The following SYT1 variants were observed in gnomAD, a reference collection of about 807,000 sequenced individuals.
The protein encoded by SYT1 is synaptotagmin 1, also known as synaptotagmin-1.
SYT1 carries 8 observed loss-of-function variants against 44.8 expected under a neutral mutation model. That is an observed-to-expected ratio of 0.18 (90% CI 0.10 to 0.32). The LOEUF is 0.32. Among genes scored for constraint, SYT1 ranks in the 10% least tolerant of loss-of-function variants. The pLI is 1.00. For synonymous variants in SYT1, 154 were observed against 188.8 expected (o/e 0.82, Z 1.51); for missense variants, 286 against 509.3 (o/e 0.56, Z 4.22).
intron 4 of SYT1, among the ~76,000 whole-genome samples, chr12:79,252,645 A>G (rs777943583): frequency 8.5e-5 from 13 of 152,114 alleles, no homozygotes; most frequent in Non-Finnish European, 1.6e-4. Context: ...TGCTCCATCA[A>G]CCCAGGTCTC....
At chr12:79,314,654 G>C (rs1032025349) in intron 8 of SYT1, among the ~76,000 whole-genome samples, 12 of 152,182 alleles carry the variant, frequency 7.9e-5, no homozygotes, top group African/African-American at 2.9e-4. Flanking sequence ...TTTGAAACCA[G>C]TTTGACAGTT....
chr12:79,245,490 G>GAA (rs796294079), intron 4 of SYT1, among the ~76,000 whole-genome samples: 65 of 133,726 alleles, frequency 4.9e-4, no homozygotes, highest in African/African-American at 8.4e-4. Context: ...AAAAAAAAAA[G>GAA]AAAAGAAAAA....
At chr12:79,084,410 A>T (rs1877242449) in intron 3 of SYT1, among the ~76,000 whole-genome samples, 1 of 152,112 alleles carries the variant, frequency 6.6e-6, no homozygotes, top group African/African-American at 2.4e-5. Context: ...TACATAATTA[A>T]CCTGATACCC....
chr12:79,420,672 T>C (rs1869053346), intron 9 of SYT1, among the ~76,000 whole-genome samples: 1 of 152,024 alleles, frequency 6.6e-6, no homozygotes, highest in Non-Finnish European at 1.5e-5. Flanking sequence ...AGATATGATG[T>C]GAGTAGAGAG....
At chr12:79,428,830 G>A (rs959013905) in intron 9 of SYT1, among the ~76,000 whole-genome samples, 8 of 152,120 alleles carry the variant, frequency 5.3e-5, no homozygotes, top group African/African-American at 1.9e-4. Flanking sequence ...AAGAAAAGTG[G>A]TTTATTTGGC....
At chr12:79,399,553 A>G (rs1182118691) in intron 9 of SYT1, among the ~76,000 whole-genome samples, 1 of 152,176 alleles carries the variant, frequency 6.6e-6, no homozygotes, top group Non-Finnish European at 1.5e-5. Flanking sequence ...CTTCCATAAC[A>G]TATTAGGGGA....
intron 3 of SYT1, among the ~76,000 whole-genome samples, chr12:79,051,243 G>C (rs1874461692): frequency 6.6e-6 from 1 of 151,048 alleles, no homozygotes; most frequent in Admixed American, 6.6e-5. Context: ...GTTTAAAATT[G>C]TATTTTGATA....
chr12:79,287,870 A>G (rs1879389334), intron 5 of SYT1, among the ~76,000 whole-genome samples: 1 of 152,144 alleles, frequency 6.6e-6, no homozygotes, highest in African/African-American at 2.4e-5. Flanking sequence ...AAAATGATTC[A>G]AACAAAGAAA....
At chr12:79,152,765 A>G in intron 3 of SYT1, among the ~76,000 whole-genome samples, 1 of 151,902 alleles carries the variant, frequency 6.6e-6, no homozygotes, top group East Asian at 1.9e-4. Flanking sequence ...TTGACTAGGG[A>G]CAGGTGAAAG....
At position 78,931,853 on chromosome 12, in the gene SYT1, A is replaced by G. The variant is rs1163353225; in HGVS notation, c.-216-45946A>G. Reference sequence around the variant, plus strand: ...AATCTAATGAGGTAGAGAGCTGAGCAGTCAGGAGAGGAAGGAGTGTTGGTA... The same window carrying G: ...AATCTAATGAGGTAGAGAGCTGAGCGGTCAGGAGAGGAAGGAGTGTTGGTA... On this transcript the variant is annotated intron_variant, in intron 1 of 10. Transcript: ENST00000261205. 7.9e-5 allele frequency among the ~76,000 whole-genome samples: 12 copies of G among 152,346 alleles called. No individual in the cohort carries two copies. In the East Asian group the frequency reaches 1.3e-3, roughly 17 times the overall value.
intron 3 of SYT1, among the ~76,000 whole-genome samples, chr12:79,062,330 A>T (rs926809355): frequency 6.6e-6 from 1 of 152,208 alleles, no homozygotes. Flanking sequence ...GTAGCTGCCT[A>T]CCAGGTTTGC....
intron 3 of SYT1, among the ~76,000 whole-genome samples, chr12:79,173,926 T>C (rs533592792): frequency 3.3e-5 from 5 of 152,192 alleles, no homozygotes; most frequent in Admixed American, 6.5e-5. Context: ...ATGAAAGTAG[T>C]GTATCATTAC....
At chr12:79,039,101 T>C (rs1008251445) in intron 2 of SYT1, among the ~76,000 whole-genome samples, 6 of 152,002 alleles carry the variant, frequency 3.9e-5, no homozygotes, top group East Asian at 1.9e-4. Flanking sequence ...ATTCTGTAAA[T>C]AGACTATGGT....
intron 2 of SYT1, among the ~76,000 whole-genome samples, chr12:79,029,623 G>A (rs1872722301): frequency 6.6e-6 from 1 of 151,070 alleles, no homozygotes. Flanking sequence ...CTCTAGCTAA[G>A]GAATCCTGAA....
intron 4 of SYT1, among the ~76,000 whole-genome samples, chr12:79,245,035 T>G (rs1468480681): frequency 6.6e-6 from 1 of 152,106 alleles, no homozygotes; most frequent in African/African-American, 2.4e-5. Context: ...GCAATGAGTT[T>G]TCTGGCCGAA....
At chr12:79,135,427 G>T (rs1012285175) in intron 3 of SYT1, among the ~76,000 whole-genome samples, 1 of 152,084 alleles carries the variant, frequency 6.6e-6, no homozygotes, top group Non-Finnish European at 1.5e-5. Flanking sequence ...TATCCTGCTA[G>T]TCAATGCATT....
chr12:79,254,368 A>G (rs1207612835), intron 4 of SYT1, among the ~76,000 whole-genome samples: 1 of 152,202 alleles, frequency 6.6e-6, no homozygotes, highest in African/African-American at 2.4e-5. Flanking sequence ...GGTTTATTGA[A>G]TATTTTAAGC....
chr12:79,273,407 G>A (rs1485830062), intron 4 of SYT1, among the ~76,000 whole-genome samples: 1 of 151,994 alleles, frequency 6.6e-6, no homozygotes, highest in Non-Finnish European at 1.5e-5. Context: ...ACCATGCCTG[G>A]CCACACATTG....
At chr12:79,124,812 ATAT>A (rs1387600288) in intron 3 of SYT1, among the ~76,000 whole-genome samples, 2 of 151,986 alleles carry the variant, frequency 1.3e-5, no homozygotes, top group African/African-American at 4.8e-5. Flanking sequence ...CTTTTTTTTA[ATAT>A]TATTAGTCAG....
Sources: gnomAD v4.1 joint callset for allele counts (sites outside exome capture counted in the v4.1 genomes callset) on GRCh38, gnomAD v4.1.1 for gene constraint, MANE v1.5 for transcripts, NCBI Gene and HGNC (gene_info 2026-07-23, HGNC 2026-07-21) for gene names.